HTR1F: variants seen among roughly 807,000 people sequenced by gnomAD.
HTR1F encodes 5-hydroxytryptamine receptor 1F.
A neutral mutation model predicts 24.0 loss-of-function variants in HTR1F; 17 were observed. The observed-to-expected ratio is 0.71, with a 90% CI of 0.48 to 1.06. The LOEUF (loss-of-function observed/expected upper bound fraction) is 1.06, where lower values mean the gene tolerates loss of function less well. HTR1F is among the 50% of genes least tolerant of loss of function. The pLI is 0.00. For missense variants in HTR1F, 391 were observed against 427.8 expected, an observed-to-expected ratio of 0.91 and a Z score of 0.76; for synonymous variants, 186 against 156.8, an observed-to-expected ratio of 1.19 and a Z score of -1.39.
intron 2 of HTR1F, among the ~76,000 whole-genome samples, chr3:87,962,664 A>C (rs1705087034): frequency 6.6e-6 from 1 of 152,052 alleles, no homozygotes; most frequent in Admixed American, 6.6e-5. Flanking sequence ...TAAATTATAC[A>C]AATGGTATTG....
At chr3:87,971,814 ATTCT>A (rs1328201848) in intron 2 of HTR1F, among the ~76,000 whole-genome samples, 1 of 152,210 alleles carries the variant, frequency 6.6e-6, no homozygotes, top group Non-Finnish European at 1.5e-5. Flanking sequence ...TGTTTTGGAA[ATTCT>A]TTCATATCAA....
chr3:87,986,038 T>C lies in HTR1F; in HGVS notation c.-42-4670T>C, dbSNP rs149964659. Among the ~76,000 whole-genome samples, 1,060 of 152,012 alleles carry C rather than the reference T, an allele frequency of 7.0e-3. 9 individuals carry two copies. Among genetic ancestry groups the C allele is most frequent in the African/African-American group, 0.024 (994 of 41,290 alleles). The stretch of plus-strand genomic sequence containing the variant: ...ACTGCAGGCTCTACTTACAGACTAA[T>C]CTTGATTTTTTTCCCAGTGAAGACA... On this transcript the variant is annotated intron_variant, in intron 2 of 2. Transcript: ENST00000319595.
chr3:87,927,433 A>T (rs754463912), intron 2 of HTR1F, among the ~76,000 whole-genome samples: 4 of 152,184 alleles, frequency 2.6e-5, no homozygotes, highest in Admixed American at 6.5e-5. Context: ...CAGTGAAAAG[A>T]AGTGCACGTA....
chr3:87,982,926 G>T (rs1414952981), intron 2 of HTR1F, among the ~76,000 whole-genome samples: 1 of 151,934 alleles, frequency 6.6e-6, no homozygotes, highest in Non-Finnish European at 1.5e-5. Context: ...AGCCTCATCT[G>T]TTTCTTGACT....
chr3:87,865,869 G>A (rs1458717354), intron 2 of HTR1F, among the ~76,000 whole-genome samples: 1 of 152,104 alleles, frequency 6.6e-6, no homozygotes, highest in African/African-American at 2.4e-5. Flanking sequence ...ATATCTACCA[G>A]TGGAACTGCT....
chr3:87,935,260 G>A (rs1257112242), intron 2 of HTR1F, among the ~76,000 whole-genome samples: 2 of 152,194 alleles, frequency 1.3e-5, no homozygotes, highest in Non-Finnish European at 2.9e-5. Context: ...AGAAAAAGGA[G>A]AGGGAGTGTG....
intron 2 of HTR1F, among the ~76,000 whole-genome samples, chr3:87,946,545 A>G (rs577388782): frequency 6.6e-6 from 1 of 151,550 alleles, no homozygotes; most frequent in South Asian, 2.1e-4. Flanking sequence ...TACACTAAAA[A>G]AAATTTAATG....
At position 87,958,880 on chromosome 3, in the gene HTR1F, G is replaced by A. The variant is rs193163838; in HGVS notation, c.-42-31828G>A. 3.3e-3 allele frequency among the ~76,000 whole-genome samples: 494 copies of A among 151,170 alleles called. 2 individuals are homozygous for A. The highest frequency in any genetic ancestry group is 5.8e-3 in the Non-Finnish European group (394 of 67,544). ...TATTTCCTCCCTTATTTTTTCCACT[G>A]CCACTTTCTCAACCACCACCACCAC... On this transcript the variant is annotated intron_variant, in intron 2 of 2. Coordinates refer to ENST00000319595, the MANE Select transcript of HTR1F (RefSeq NM_001322209.2).
intron 2 of HTR1F, among the ~76,000 whole-genome samples, chr3:87,967,007 G>C (rs1360755283): frequency 6.6e-6 from 1 of 152,120 alleles, no homozygotes; most frequent in East Asian, 1.9e-4. Context: ...TTTGCTTACA[G>C]AATTATTTAC....
Position 87,991,530 on chromosome 3 carries a change from A to G in HTR1F, c.781A>G (p.Ile261Val). 1 of 1,614,136 alleles carries G rather than the reference A, an allele frequency of 6.2e-7. No individual in the cohort carries two copies. The highest frequency in any genetic ancestry group is 8.5e-7 in the Non-Finnish European group (1 of 1,180,000). Residue 261 changes from isoleucine to valine, a missense_variant, in exon 3 of 3, where the codon ATT (isoleucine) becomes GTT (valine). Coordinates refer to ENST00000319595, the MANE Select transcript of HTR1F (RefSeq NM_001322209.2). ...TGACCCATCAACAGACTTTGATAAA[A>G]TTCATAGCACAGTGAGAAGTCTCAG... ...LSDPSTDFDK[I>V]HSTVRSLRSE...
intron 2 of HTR1F, among the ~76,000 whole-genome samples, chr3:87,839,298 G>C (rs1292556686): frequency 6.6e-6 from 1 of 151,986 alleles, no homozygotes; most frequent in East Asian, 1.9e-4. Context: ...TAGATGTCCA[G>C]TTTTACCACC....
At chr3:87,918,459 A>T (rs918698630) in intron 2 of HTR1F, among the ~76,000 whole-genome samples, 31 of 152,006 alleles carry the variant, frequency 2.0e-4, no homozygotes, top group Non-Finnish European at 4.1e-4. Context: ...TGATTTGATC[A>T]TTTACCTAGA....
intron 2 of HTR1F, among the ~76,000 whole-genome samples, chr3:87,931,049 T>C (rs1206493666): frequency 4.3e-5 from 2 of 46,136 alleles, no homozygotes; most frequent in Non-Finnish European, 9.0e-5. Context: ...TTTTTTTTAC[T>C]TTTTTTATTG....
rs1200066494 is a variant in HTR1F at position 87,937,094 on chromosome 3, A to AAAAT, written c.-42-53611_-42-53610insTAAA. ...CTGTTGAAACTACCCAAAAAAAAAAAAAAAAAGAGGACGGACTCCTCCCCA... is the reference window on the plus strand; with the variant it reads ...CTGTTGAAACTACCCAAAAAAAAAAAAAATAAAAAAGAGGACGGACTCCTCCCCA... On this transcript the variant is annotated intron_variant, in intron 2 of 2. Coordinates refer to ENST00000319595, the MANE Select transcript of HTR1F (RefSeq NM_001322209.2). 2.0e-5 allele frequency among the ~76,000 whole-genome samples: 3 copies of AAAAT among 151,472 alleles called. No individual in the cohort carries two copies. The East Asian group carries it at 5.8e-4, about 29-fold the overall frequency.
chr3:87,837,540 T>C (rs1704706265), intron 2 of HTR1F, among the ~76,000 whole-genome samples: 1 of 152,084 alleles, frequency 6.6e-6, no homozygotes, highest in African/African-American at 2.4e-5. Flanking sequence ...ATAGAAAGGA[T>C]ATTTCCCTCA....
At chr3:87,844,182 A>C (rs1409180576) in intron 2 of HTR1F, among the ~76,000 whole-genome samples, 7 of 151,838 alleles carry the variant, frequency 4.6e-5, no homozygotes, top group Admixed American at 4.6e-4. Flanking sequence ...CATCCTCTCC[A>C]TCAGCTGTTG....
intron 2 of HTR1F, among the ~76,000 whole-genome samples, chr3:87,968,086 G>A (rs1705205223): frequency 6.6e-6 from 1 of 152,200 alleles, no homozygotes; most frequent in Admixed American, 6.5e-5. Context: ...TGAGAAACTT[G>A]TTGGAAGCTG....
rs1703885090 is a variant in HTR1F at position 87,795,227 on chromosome 3, G to T, written c.-160+2385G>T. Among the ~76,000 whole-genome samples the T allele has an allele frequency of 2.6e-5, 4 of 152,182 alleles. No individual in the cohort carries two copies. In the South Asian group the frequency reaches 8.3e-4, roughly 32 times the overall value. On this transcript the variant is annotated intron_variant, in intron 1 of 2. Transcript: ENST00000319595. ...TCTCGATCTCCTGACCTCGTGATCT[G>T]CCCGCTTTGGCCTTTCAAAGTGTTG...
At chr3:87,890,184 T>A (rs1447742199) in intron 2 of HTR1F, among the ~76,000 whole-genome samples, 3 of 152,200 alleles carry the variant, frequency 2.0e-5, no homozygotes, top group African/African-American at 7.2e-5. Flanking sequence ...AAGGGTTTGC[T>A]CTTTGTGTCA....
Sources: gnomAD v4.1 joint callset for allele counts (sites outside exome capture counted in the v4.1 genomes callset) on GRCh38, gnomAD v4.1.1 for gene constraint, MANE v1.5 for transcripts, NCBI Gene and HGNC (gene_info 2026-07-23, HGNC 2026-07-21) for gene names.